The following CCDC144A variants were observed in gnomAD, a reference collection of about 807,000 sequenced individuals.
The protein encoded by CCDC144A is coiled-coil domain-containing protein 144A.
In CCDC144A, 41 loss-of-function variants were observed where a neutral mutation model predicts 143.8. That is an observed-to-expected ratio of 0.29 (90% CI 0.22 to 0.37). The LOEUF (loss-of-function observed/expected upper bound fraction) is 0.37, where lower values mean the gene tolerates loss of function less well. Among genes scored for constraint, CCDC144A ranks in the 10% least tolerant of loss-of-function variants. The probability of loss-of-function intolerance (pLI) is 1.00; values close to 1 mark genes in which losing one functional copy is unlikely to be tolerated. For missense variants in CCDC144A, 637 were observed against 1,488.8 expected, an observed-to-expected ratio of 0.43 and a Z score of 9.41; for synonymous variants, 242 against 517.9, an observed-to-expected ratio of 0.47 and a Z score of 7.23.
intron 15 of CCDC144A, among the ~76,000 whole-genome samples, chr17:16,769,559 G>T (rs1915743342): frequency 6.6e-6 from 1 of 152,196 alleles, no homozygotes; most frequent in South Asian, 2.1e-4. Flanking sequence ...ATTTGGAGGA[G>T]AATGAATAGT....
chr17:16,753,809 A>G (rs1267849148), intron 12 of CCDC144A, among the ~76,000 whole-genome samples: 1 of 152,144 alleles, frequency 6.6e-6, no homozygotes, highest in Non-Finnish European at 1.5e-5. Context: ...ATTGGCATGT[A>G]GTTTTCTTTT....
chr17:16,674,004 G>A, the CCDC144A span, among the ~76,000 whole-genome samples: 1 of 152,024 alleles, frequency 6.6e-6, no homozygotes, highest in African/African-American at 2.4e-5. Context: ...AGAAGAAATT[G>A]AAAATATCTA....
intron 2 of CCDC144A, among the ~76,000 whole-genome samples, chr17:16,698,720 C>T (rs1012570895): frequency 6.6e-6 from 1 of 152,228 alleles, no homozygotes; most frequent in African/African-American, 2.4e-5. Flanking sequence ...AAGCCACCAC[C>T]AGATGCACGT....
chr17:16,692,312 T>C (rs1350053234), intron 1 of CCDC144A, among the ~76,000 whole-genome samples: 5 of 151,046 alleles, frequency 3.3e-5, no homozygotes, highest in African/African-American at 1.2e-4. Flanking sequence ...AGCTCAGTAA[T>C]AGTGGACAGT....
chr17:16,730,983 G>T (rs1213721328), intron 9 of CCDC144A, among the ~76,000 whole-genome samples: 1 of 146,956 alleles, frequency 6.8e-6, no homozygotes, highest in African/African-American at 2.6e-5. Flanking sequence ...GATTGCTCTG[G>T]CTAGGACTTC....
chr17:16,703,523 G>A lies in CCDC144A; in HGVS notation c.416-1628G>A, dbSNP rs183698337. Among the ~76,000 whole-genome samples, 282 of 152,164 alleles carry A rather than the reference G, an allele frequency of 1.9e-3. 6 individuals carry two copies. In the East Asian group the frequency reaches 0.049, roughly 26 times the overall value. Reference sequence around the variant, plus strand: ...TAAAATATTTTAAAAACAAGCATGCGGCCGGGCGTGGTGGCTAACGCCTGT... The same window carrying A: ...TAAAATATTTTAAAAACAAGCATGCAGCCGGGCGTGGTGGCTAACGCCTGT... On this transcript the variant is annotated intron_variant, in intron 2 of 16. Transcript: ENST00000399273.
chr17:16,674,301 C>A, the CCDC144A span, among the ~76,000 whole-genome samples: 1 of 152,074 alleles, frequency 6.6e-6, no homozygotes, highest in Admixed American at 6.6e-5. Context: ...GTATTCCCAG[C>A]TACTTGAGAG....
intron 12 of CCDC144A, among the ~76,000 whole-genome samples, chr17:16,743,679 T>G (rs1290511957): frequency 1.3e-5 from 2 of 152,202 alleles, no homozygotes. Flanking sequence ...ATTTTTATCT[T>G]ATTCTTTCTC....
At chr17:16,705,756 C>G (rs1249092948) in intron 3 of CCDC144A, 2 of 276,540 alleles carry the variant, frequency 7.2e-6, no homozygotes, top group Non-Finnish European at 1.4e-5. Flanking sequence ...ATTTTTACAG[C>G]TCTGAATTCA....
the CCDC144A span, among the ~76,000 whole-genome samples, chr17:16,671,022 C>A: frequency 6.6e-6 from 1 of 151,762 alleles, no homozygotes; most frequent in Non-Finnish European, 1.5e-5. Context: ...CCATCTCACC[C>A]TGTCACCTGG....
chr17:16,707,512 A>C lies in CCDC144A; in HGVS notation c.708A>C (p.Arg236Ser). The C allele has an allele frequency of 1.2e-6, 2 of 1,606,162 alleles. No homozygotes were observed. The highest frequency in any genetic ancestry group is 1.7e-6 in the Non-Finnish European group (2 of 1,177,614). Residue 236 changes from arginine (R) to serine (S), a missense_variant, in exon 4 of 17, where the codon AGA (arginine) becomes AGC (serine). Physicochemically the swap from Arg to Ser is moderately radical, Grantham distance 110. Transcript: ENST00000399273. The stretch of plus-strand genomic sequence containing the variant: ...TGACATCAGAGGAAGAGCAAGAAAG[A>C]CTTAAAGGATGCGAAAATAAGCAGC... Reference protein sequence around the residue: ...SELTSEEEQERLKGCENKQPQ... With the variant: ...SELTSEEEQESLKGCENKQPQ...
At chr17:16,714,877 A>T (rs1428566282) in intron 6 of CCDC144A, among the ~76,000 whole-genome samples, 5 of 151,986 alleles carry the variant, frequency 3.3e-5, no homozygotes, top group Non-Finnish European at 5.9e-5. Flanking sequence ...GCTACACTAA[A>T]CTTCTTGCTC....
upstream of CCDC144A, among the ~76,000 whole-genome samples, chr17:16,686,082 GTTTTTTTTGT>G (rs1910768489): frequency 7.8e-6 from 1 of 128,546 alleles, no homozygotes. Flanking sequence ...GAGCCCGGCT[GTTTTTTTTGT>G]TTTTTTTTTT....
chr17:16,693,336 T>A (rs144645556), intron 2 of CCDC144A, among the ~76,000 whole-genome samples: 1,908 of 152,176 alleles, frequency 0.013, 43 homozygotes, highest in African/African-American at 0.044. Context: ...GTTTTTTTTT[T>A]GAGACGGAGT....
At chr17:16,707,573 T>C in intron 4 of CCDC144A, 31 bp downstream of exon 4, 4 of 1,450,092 alleles carry the variant, frequency 2.8e-6, no homozygotes, top group Non-Finnish European at 3.8e-6. Flanking sequence ...AAATCTAAAT[T>C]TCTGGTTTAA....
intron 12 of CCDC144A, chr17:16,745,856 C>T: frequency 1.1e-5 from 17 of 1,596,484 alleles, no homozygotes; most frequent in Non-Finnish European, 1.5e-5. Context: ...CCCCGCTGTC[C>T]TGGCTCCCCT....
intron 6 of CCDC144A, among the ~76,000 whole-genome samples, chr17:16,714,421 A>T (rs1279678289): frequency 6.6e-6 from 1 of 152,086 alleles, no homozygotes; most frequent in African/African-American, 2.4e-5. Flanking sequence ...TACCCCTCAC[A>T]TGGTCTTTCC....
the CCDC144A span, among the ~76,000 whole-genome samples, chr17:16,667,531 T>G: frequency 6.6e-6 from 1 of 152,092 alleles, no homozygotes; most frequent in South Asian, 2.1e-4. Flanking sequence ...TGCGGCTGGG[T>G]CCACCGCACG....
chr17:16,740,672 G>C (rs1914216658), intron 12 of CCDC144A, among the ~76,000 whole-genome samples: 1 of 152,038 alleles, frequency 6.6e-6, no homozygotes. Flanking sequence ...TTCTGAGATT[G>C]TTAAAACTGA....
Sources: allele counts gnomAD v4.1 joint callset (sites outside exome capture counted in the v4.1 genomes callset), GRCh38; gene constraint gnomAD v4.1.1; transcripts MANE v1.5; gene names NCBI Gene and HGNC (gene_info 2026-07-23, HGNC 2026-07-21).